The following DAPL1 variants were observed in gnomAD, a reference collection of about 807,000 sequenced individuals.
DAPL1 encodes death-associated protein-like 1.
A neutral mutation model predicts 12.9 loss-of-function variants in DAPL1; 17 were observed. The observed-to-expected ratio is 1.32, with a 90% CI of 0.90 to 1.98. The LOEUF is 1.98. Among genes scored for constraint, DAPL1 ranks in the 30% most tolerant of loss-of-function variants. DAPL1 has a pLI of 0.00. For synonymous variants in DAPL1, 51 were observed against 42.0 expected (o/e 1.21, Z -0.82); for missense variants, 157 against 125.7 (o/e 1.25, Z -1.19).
At chr2:158,813,738 G>T (rs915771337) in intron 3 of DAPL1, among the ~76,000 whole-genome samples, 1 of 151,974 alleles carries the variant, frequency 6.6e-6, no homozygotes, top group Non-Finnish European at 1.5e-5. Flanking sequence ...CATATTTTTA[G>T]TAGAGATGGG....
chr2:158,804,201 A>T, intron 1 of DAPL1, 81 bp from the exon 2 acceptor site: 1 of 907,014 alleles, frequency 1.1e-6, no homozygotes, highest in Non-Finnish European at 1.7e-6. Flanking sequence ...ATTATTTTCA[A>T]ATCTAAAGTC....
At chr2:158,803,928 G>A (rs574541580) in intron 1 of DAPL1, among the ~76,000 whole-genome samples, 17 of 152,100 alleles carry the variant, frequency 1.1e-4, no homozygotes, top group African/African-American at 3.9e-4. Context: ...TGTAATTGTC[G>A]GTTGCTATTG....
At chr2:158,808,803 A>G (rs766477103) in intron 3 of DAPL1, among the ~76,000 whole-genome samples, 2 of 152,224 alleles carry the variant, frequency 1.3e-5, no homozygotes, top group Non-Finnish European at 2.9e-5. Flanking sequence ...TAGAATAGAC[A>G]TGTTCCCCTA....
At position 158,807,064 on chromosome 2, in the gene DAPL1, A is replaced by G. The variant is rs2059206472; in HGVS notation, c.156A>G (p.Ala52=). The part of the protein sequence containing the change: ...KTGFEKTSAI[A]NVAKIQTLDA... Reference sequence around the variant, plus strand: ...CTTTTCATCTTCACAGTGCCATTGCAAATGTTGCCAAAATACAGACACTGG... The same window carrying G: ...CTTTTCATCTTCACAGTGCCATTGCGAATGTTGCCAAAATACAGACACTGG... Residue 52 remains alanine (A), a synonymous_variant, in exon 3 of 4, where the codon GCA becomes GCG. Transcript: ENST00000309950. 1.9e-6 allele frequency: 3 copies of G among 1,612,626 alleles called. No individual in the cohort carries two copies. The highest frequency in any genetic ancestry group is 2.5e-6 in the Non-Finnish European group (3 of 1,179,034).
intron 2 of DAPL1, among the ~76,000 whole-genome samples, chr2:158,804,902 C>T (rs139757887): frequency 6.6e-6 from 1 of 152,206 alleles, no homozygotes; most frequent in African/African-American, 2.4e-5. Flanking sequence ...TCCACCATAA[C>T]ATTGACGCCT....
rs546590225 is a variant in DAPL1, at chr2:158,804,424, T to C, written c.146+55T>C. 19 of 1,314,550 alleles carry C rather than the reference T, an allele frequency of 1.4e-5. No individual in the cohort carries two copies. The African/African-American group carries it at 2.7e-4, about 18-fold the overall frequency. 81.4% of individuals were successfully genotyped at this position (1,314,550 alleles called of 1,614,324 possible). On this transcript the variant is annotated intron_variant, in intron 2 of 3. Transcript: ENST00000309950. ...TTGAGGAGTTTTGAGTGACTCTGCC[T>C]CCAGGAGTTATTTTAGGACAAACCA...
intron 1 of DAPL1, among the ~76,000 whole-genome samples, chr2:158,799,170 T>C (rs2059151891): frequency 6.6e-6 from 1 of 152,228 alleles, no homozygotes; most frequent in Admixed American, 6.5e-5. Flanking sequence ...TGAAATTATC[T>C]AAAAGAGCAT....
At chr2:158,807,199 T>G (rs2059207757) in intron 3 of DAPL1, 84 bp downstream of exon 3, 1 of 1,073,092 alleles carries the variant, frequency 9.3e-7, no homozygotes, top group East Asian at 2.6e-5. Context: ...GGATGACCAC[T>G]GAGGTTTTTT....
chr2:158,795,857 C>T (rs2059131758), intron 1 of DAPL1, among the ~76,000 whole-genome samples: 1 of 152,190 alleles, frequency 6.6e-6, no homozygotes. Context: ...GATGCCTGTG[C>T]ATCATGTGAC....
At chr2:158,804,426 C>T (rs1310185344) in intron 2 of DAPL1, 57 bp downstream of exon 2, 21 of 1,306,452 alleles carry the variant, frequency 1.6e-5, no homozygotes, top group Non-Finnish European at 2.1e-5. Flanking sequence ...ACTCTGCCTC[C>T]AGGAGTTATT....
Position 158,795,468 on chromosome 2 carries a change from C to T in DAPL1, c.58+38C>T, listed in dbSNP as rs916555294. On this transcript the variant is annotated intron_variant, in intron 1 of 3. Coordinates refer to ENST00000309950, the MANE Select transcript of DAPL1 (RefSeq NM_001017920.3). ...CTGCCCTCAGTCCTGCAGGCTGTTG[C>T]TGCTCCCCTCTTCCACCAATGCCTT... 3.2e-6 allele frequency: 5 copies of T among 1,542,376 alleles called. No individual in the cohort carries two copies. In the Admixed American group the frequency reaches 9.8e-5, roughly 30 times the overall value.
intron 3 of DAPL1, among the ~76,000 whole-genome samples, chr2:158,812,411 C>T (rs2059235782): frequency 6.6e-6 from 1 of 152,120 alleles, no homozygotes; most frequent in Non-Finnish European, 1.5e-5. Context: ...AAATGTAACC[C>T]TTAACACTTC....
intron 1 of DAPL1, among the ~76,000 whole-genome samples, chr2:158,801,030 A>G (rs2059164642): frequency 6.6e-6 from 1 of 152,098 alleles, no homozygotes; most frequent in Non-Finnish European, 1.5e-5. Flanking sequence ...TTTAGTAGAG[A>G]TGGGATTTCG....
intron 3 of DAPL1, among the ~76,000 whole-genome samples, chr2:158,813,199 A>G (rs1406241464): frequency 6.6e-6 from 1 of 152,174 alleles, no homozygotes; most frequent in Non-Finnish European, 1.5e-5. Context: ...ATAGTTATAG[A>G]AAGTAGAATG....
At chr2:158,813,826 A>G (rs2059246013) in intron 3 of DAPL1, among the ~76,000 whole-genome samples, 1 of 152,036 alleles carries the variant, frequency 6.6e-6, no homozygotes, top group Admixed American at 6.5e-5. Context: ...AAGTGCTGGG[A>G]TTGCAGGTGT....
intron 1 of DAPL1, 47 bp downstream of exon 1, chr2:158,795,477 T>C: frequency 6.5e-7 from 1 of 1,534,608 alleles, no homozygotes; most frequent in Non-Finnish European, 8.8e-7. Flanking sequence ...GCTGCTCCCC[T>C]CTTCCACCAA....
At chr2:158,813,006 G>GA (rs1384047532) in intron 3 of DAPL1, among the ~76,000 whole-genome samples, 3 of 138,764 alleles carry the variant, frequency 2.2e-5, no homozygotes, top group Non-Finnish European at 4.7e-5. Context: ...TGAATGGATA[G>GA]AAAAAACGTG....
rs968838963 is a variant in DAPL1, at chr2:158,807,611, A to C, written c.207+496A>C. ...TGAAGTCTGCTTATAAAGGTAGTTG[A>C]CCAGGACTATTTTTATTTCTATATT... On this transcript the variant is annotated intron_variant, in intron 3 of 3. Transcript: ENST00000309950. 3 of 152,686 alleles carry C rather than the reference A, an allele frequency of 2.0e-5. No individual in the cohort carries two copies. In the East Asian group the frequency reaches 5.8e-4, roughly 29 times the overall value. 9.5% of individuals were successfully genotyped at this position (152,686 alleles called of 1,614,324 possible). A position where few individuals can be genotyped will look rare whatever the true frequency, so the allele number is the denominator to read the frequency against.
intron 3 of DAPL1, 88 bp downstream of exon 3, chr2:158,807,203 G>T: frequency 2.0e-6 from 2 of 993,976 alleles, no homozygotes; most frequent in East Asian, 2.7e-5. Flanking sequence ...GACCACTGAG[G>T]TTTTTTCCAA....
Sources: allele counts gnomAD v4.1 joint callset (sites outside exome capture counted in the v4.1 genomes callset), GRCh38; gene constraint gnomAD v4.1.1; transcripts MANE v1.5; gene names NCBI Gene and HGNC (gene_info 2026-07-23, HGNC 2026-07-21).